Variants in HMGXB3 observed in about 807,000 individuals in gnomAD.
HMGXB3 encodes the protein HMG domain-containing protein 3.
A neutral mutation model predicts 121.5 loss-of-function variants in HMGXB3; 45 were observed. The ratio of observed to expected loss-of-function variants is 0.37; its 90% confidence interval spans 0.29 to 0.47. HMGXB3 has a LOEUF of 0.47. HMGXB3 is among the 20% of genes least tolerant of loss of function. The pLI is 0.99. For missense variants in HMGXB3, 1,376 were observed against 1,602.2 expected (o/e 0.86, Z 2.41); for synonymous variants, 590 against 624.1 (o/e 0.95, Z 0.81).
At chr5:150,037,069 C>A in intron 12 of HMGXB3, 132 bp downstream of exon 12, 1 of 826,974 alleles carries the variant, frequency 1.2e-6, no homozygotes, top group Non-Finnish European at 1.9e-6. Context: ...CTTTAACTTT[C>A]TGATTGCTGA....
chr5:150,051,799 C>A lies in HMGXB3; in HGVS notation c.3486C>A (p.His1162Gln). The change falls in exon 20 of 20, where the codon CAC (histidine) becomes CAA (glutamine). Residue 1162 changes from histidine (H) to glutamine (Q), a missense_variant. His to Gln is a conservative substitution (Grantham distance 24). Coordinates refer to ENST00000502717, the MANE Select transcript of HMGXB3 (RefSeq NM_014983.3). ...DMTETEHSIQ[H>Q]PVTKTATRRI... Reference sequence around the variant, plus strand: ...CAGAAACTGAGCACTCTATCCAGCACCCAGTCACCAAGACTGCCACGCGGC... The same window carrying A: ...CAGAAACTGAGCACTCTATCCAGCAACCAGTCACCAAGACTGCCACGCGGC... The A allele has an allele frequency of 6.5e-7, 1 of 1,547,472 alleles. No individual in the cohort carries two copies. Among genetic ancestry groups the A allele is most frequent in the Non-Finnish European group, 8.7e-7 (1 of 1,147,082 alleles).
At chr5:150,039,225 T>C (rs1288556880) in intron 13 of HMGXB3, among the ~76,000 whole-genome samples, 1 of 152,252 alleles carries the variant, frequency 6.6e-6, no homozygotes, top group Non-Finnish European at 1.5e-5. Flanking sequence ...TCTGTACACA[T>C]CAATTTGGGA....
chr5:150,002,518 GCCT>G (rs1243697762), intron 1 of HMGXB3, among the ~76,000 whole-genome samples: 1 of 152,142 alleles, frequency 6.6e-6, no homozygotes, highest in Non-Finnish European at 1.5e-5. Flanking sequence ...CACCACAACT[GCCT>G]CTTCCCAGAA....
chr5:150,037,412 G>T lies in HMGXB3; in HGVS notation c.2298G>T (p.Gly766=). The part of the protein sequence containing the change: ...LFKGGQNSLA[G]PQECWLLTAS... ...TTTCTGGTACTAGCTCCCTGGCTGG[G>T]CCCCAGGAGTGCTGGCTGCTGACAG... Residue 766 remains glycine (G), a synonymous_variant, in exon 13 of 20, where the codon GGG becomes GGT. Coordinates refer to ENST00000502717, the MANE Select transcript of HMGXB3 (RefSeq NM_014983.3). The T allele has an allele frequency of 1.9e-6, 3 of 1,546,054 alleles. No homozygotes were observed. In the East Asian group the frequency reaches 7.4e-5, roughly 38 times the overall value.
chr5:150,007,676 A>G (rs958144561), intron 3 of HMGXB3, among the ~76,000 whole-genome samples: 1 of 152,162 alleles, frequency 6.6e-6, no homozygotes, highest in African/African-American at 2.4e-5. Context: ...TTAACAGTGA[A>G]TCTGGGAAAT....
intron 5 of HMGXB3, among the ~76,000 whole-genome samples, chr5:150,017,107 G>A (rs867644595): frequency 6.6e-6 from 1 of 152,164 alleles, no homozygotes; most frequent in East Asian, 1.9e-4. Context: ...TGTCAGCCAA[G>A]CACTTCTAGA....
chr5:150,036,994 C>T (rs888534078), intron 12 of HMGXB3, 57 bp downstream of exon 12: 90 of 1,372,516 alleles, frequency 6.6e-5, no homozygotes, highest in Non-Finnish European at 8.5e-5. Flanking sequence ...TCATACTGCT[C>T]TTTTCTTCAG....
intron 7 of HMGXB3, among the ~76,000 whole-genome samples, chr5:150,026,422 C>T (rs1321811378): frequency 2.0e-5 from 3 of 152,190 alleles, no homozygotes; most frequent in South Asian, 2.1e-4. Flanking sequence ...TGGCATTACA[C>T]GCTGTAGACA....
chr5:150,052,536 T>G lies in HMGXB3; in HGVS notation c.*344T>G. The G allele has an allele frequency of 3.8e-6, 1 of 265,776 alleles. No individual in the cohort carries two copies. Among genetic ancestry groups the G allele is most frequent in the Non-Finnish European group, 7.2e-6 (1 of 138,162 alleles). The allele number at this position is 265,776 out of a possible 1,614,324, so 16.5% of individuals were successfully genotyped here. ...GTCAGGGTGGAGGTCCTGGGTGGGC[T>G]AAGGCGTGAGCCCCAGCACTAGGTG... is the stretch of plus-strand genomic sequence containing the variant. On this transcript the variant is annotated 3_prime_UTR_variant, in exon 20 of 20. Coordinates refer to ENST00000502717, the MANE Select transcript of HMGXB3 (RefSeq NM_014983.3).
rs907978150 is a variant in HMGXB3, at chr5:150,012,457, C to G, written c.909+104C>G. The G allele has an allele frequency of 1.0e-5, 8 of 775,840 alleles. No homozygotes were observed. The African/African-American group carries it at 1.4e-4, about 14-fold the overall frequency. The allele number at this position is 775,840 out of a possible 1,614,324, so 48.1% of individuals were successfully genotyped here. On this transcript the variant is annotated intron_variant, in intron 5 of 19. Coordinates refer to ENST00000502717, the MANE Select transcript of HMGXB3 (RefSeq NM_014983.3). ...CTTTCTGAGCTACCAGTTGTAGGAC[C>G]AAGAAGATTTCTAAAAGTCTTAGAA...
Position 150,010,305 on chromosome 5 carries a change from G to A in HMGXB3, c.507G>A (p.Pro169=). ...KGPPLVSNTA[P]ETVPSHAGMA... ...CTCCTCTTGTGTCCAACACTGCCCC[G>A]GAGACAGTGCCCAGCCATGCAGGCA... is the stretch of plus-strand genomic sequence containing the variant. The change falls in exon 4 of 20, where the codon CCG becomes CCA. Residue 169 remains proline (P), a synonymous_variant. Transcript: ENST00000502717. 4 of 1,551,756 alleles carry A rather than the reference G, an allele frequency of 2.6e-6. No individual in the cohort carries two copies. The highest frequency in any genetic ancestry group is 2.4e-5 in the East Asian group (1 of 40,910).
At chr5:150,001,243 C>T (rs1755556380) in intron 1 of HMGXB3, 64 bp downstream of exon 1, 1 of 152,500 alleles carries the variant, frequency 6.6e-6, no homozygotes, top group African/African-American at 2.4e-5. Context: ...TGCTGCGGCT[C>T]TCTGAGCCTC....
At chr5:150,039,587 G>GT (rs987811049) in intron 13 of HMGXB3, among the ~76,000 whole-genome samples, 19 of 151,462 alleles carry the variant, frequency 1.3e-4, no homozygotes, top group Non-Finnish European at 1.5e-5. Context: ...TCCTTTATGG[G>GT]TTTTTTTCTA....
At chr5:150,047,884 A>G in intron 17 of HMGXB3, 127 bp downstream of exon 17, 1 of 1,026,588 alleles carries the variant, frequency 9.7e-7, no homozygotes, top group East Asian at 2.6e-5. Flanking sequence ...GCAGTCAGGG[A>G]TGCCTAGGAG....
At chr5:150,021,316 G>A (rs1278868533) in intron 6 of HMGXB3, among the ~76,000 whole-genome samples, 3 of 152,162 alleles carry the variant, frequency 2.0e-5, no homozygotes, top group Non-Finnish European at 4.4e-5. Flanking sequence ...TGAGTTTCCA[G>A]CTAAGGAAAA....
intron 3 of HMGXB3, among the ~76,000 whole-genome samples, chr5:150,009,439 G>A (rs896721335): frequency 1.3e-5 from 2 of 151,850 alleles, no homozygotes; most frequent in African/African-American, 4.8e-5. Context: ...ATTTTTTTCC[G>A]TAGTATATTC....
At chr5:150,041,441 ATTC>A (rs1756632767) in intron 14 of HMGXB3, among the ~76,000 whole-genome samples, 1 of 152,222 alleles carries the variant, frequency 6.6e-6, no homozygotes, top group African/African-American at 2.4e-5. Context: ...TGAGCAAGTT[ATTC>A]TTGTGCCTCT....
chr5:150,002,419 A>G (rs780435712), intron 1 of HMGXB3, among the ~76,000 whole-genome samples: 22 of 152,214 alleles, frequency 1.4e-4, no homozygotes. Context: ...TTGACTCCAC[A>G]TGCAGTGCTC....
At chr5:150,051,056 C>G (rs1756875729) in intron 19 of HMGXB3, among the ~76,000 whole-genome samples, 1 of 152,214 alleles carries the variant, frequency 6.6e-6, no homozygotes, top group South Asian at 2.1e-4. Context: ...TTAGAAAACA[C>G]TCATCTTATC....
Sources: allele counts gnomAD v4.1 joint callset (sites outside exome capture counted in the v4.1 genomes callset), GRCh38; gene constraint gnomAD v4.1.1; transcripts MANE v1.5; gene names NCBI Gene and HGNC (gene_info 2026-07-23, HGNC 2026-07-21).